The following LNPEP variants were observed in gnomAD, a reference collection of about 807,000 sequenced individuals.
LNPEP encodes the protein leucyl and cystinyl aminopeptidase.
LNPEP carries 64 observed loss-of-function variants against 120.6 expected under a neutral mutation model. The observed-to-expected ratio is 0.53, with a 90% CI of 0.43 to 0.65. The LOEUF is 0.65. Ranked by LOEUF, LNPEP falls within the 30% of genes least tolerant of loss-of-function variation. LNPEP has a pLI of 0.00. For missense variants in LNPEP, 1,057 were observed against 1,200.0 expected (o/e 0.88, Z 1.76); for synonymous variants, 435 against 425.4 (o/e 1.02, Z -0.28).
chr5:96,989,019 G>C (rs1303821500), intron 4 of LNPEP, among the ~76,000 whole-genome samples: 2 of 151,886 alleles, frequency 1.3e-5, no homozygotes, highest in African/African-American at 4.8e-5. Context: ...GTGTGCATGT[G>C]CATGCTTGTG....
intron 9 of LNPEP, among the ~76,000 whole-genome samples, 187 bp downstream of exon 9, chr5:97,003,733 G>C (rs138257467): frequency 6.6e-6 from 1 of 151,572 alleles, no homozygotes; most frequent in East Asian, 1.9e-4. Context: ...AGAAATGGGA[G>C]TGCTGTTCTT....
intron 1 of LNPEP, among the ~76,000 whole-genome samples, chr5:96,953,748 A>G (rs1004385710): frequency 6.6e-6 from 1 of 152,258 alleles, no homozygotes; most frequent in Non-Finnish European, 1.5e-5. Context: ...TTTCAATTAA[A>G]ATATTAATTT....
chr5:96,954,772 ATTTTTTTTTTTT>A (rs1160402498), intron 1 of LNPEP, among the ~76,000 whole-genome samples: 9 of 27,108 alleles, frequency 3.3e-4, no homozygotes, highest in Admixed American at 3.1e-3. Context: ...ATATATATAT[ATTTTTTTTTTTT>A]TTTTTTTTTT....
intron 16 of LNPEP, among the ~76,000 whole-genome samples, chr5:97,027,265 A>G (rs1791364416): frequency 6.6e-6 from 1 of 151,798 alleles, no homozygotes. Flanking sequence ...AGGCAAGAGA[A>G]TGGTGTGAAT....
Position 97,006,410 on chromosome 5 carries a change from A to C in LNPEP, c.1947-17A>C. The C allele has an allele frequency of 6.8e-7, 1 of 1,476,538 alleles. No individual in the cohort carries two copies. Among genetic ancestry groups the C allele is most frequent in the Non-Finnish European group, 9.3e-7 (1 of 1,076,258 alleles). The allele number at this position is 1,476,538 out of a possible 1,614,324, so 91.5% of individuals were successfully genotyped here. Reference sequence around the variant, plus strand: ...AAAATCATATGTAACTAATTTTCCAATGTTTTCTCTTTACAGCTACCTGTG... The same window carrying C: ...AAAATCATATGTAACTAATTTTCCACTGTTTTCTCTTTACAGCTACCTGTG... On this transcript the variant is annotated splice_polypyrimidine_tract_variant and intron_variant, in intron 10 of 17. Transcript: ENST00000231368.
chr5:97,006,425 A>G lies in LNPEP; in HGVS notation c.1947-2A>G. 6.5e-7 allele frequency: 1 copy of G among 1,544,644 alleles called. No individual in the cohort carries two copies. Among genetic ancestry groups the G allele is most frequent in the African/African-American group, 1.4e-5 (1 of 72,592 alleles). ...TAATTTTCCAATGTTTTCTCTTTAC[A>G]GCTACCTGTGGCATATTCCACTATC... is the stretch of plus-strand genomic sequence containing the variant. On this transcript the variant is annotated splice_acceptor_variant, in intron 10 of 17. Coordinates refer to ENST00000231368, the MANE Select transcript of LNPEP (RefSeq NM_005575.3). LOFTEE classifies it high-confidence loss of function.
intron 13 of LNPEP, among the ~76,000 whole-genome samples, chr5:97,017,326 C>A (rs1321056923): frequency 6.6e-6 from 1 of 151,808 alleles, no homozygotes; most frequent in Non-Finnish European, 1.5e-5. Context: ...AATCGTCTGC[C>A]TTTTTCTTGT....
Position 96,985,195 on chromosome 5 carries a change from A to T in LNPEP, c.976A>T (p.Thr326Ser). 6.2e-7 allele frequency: 1 copy of T among 1,613,796 alleles called. No homozygotes were observed. The highest frequency in any genetic ancestry group is 8.5e-7 in the Non-Finnish European group (1 of 1,179,784). The stretch of plus-strand genomic sequence containing the variant: ...CAAGATCATAAGGGATGAGCAATAC[A>T]CCGCTTTATCAAATATGCCTAAGGT... ...IIKIIRDEQY[T>S]ALSNMPKKSS... Residue 326 changes from threonine (T) to serine (S), a missense_variant, in exon 3 of 18, where the codon ACC (threonine) becomes TCC (serine). Physicochemically the swap from Thr to Ser is moderately conservative, Grantham distance 58 (BLOSUM62 1). Coordinates refer to ENST00000231368, the MANE Select transcript of LNPEP (RefSeq NM_005575.3).
At chr5:97,010,305 C>T in intron 11 of LNPEP, 2 of 973,712 alleles carry the variant, frequency 2.1e-6, no homozygotes, top group Non-Finnish European at 2.4e-6. Context: ...AAATGGATAT[C>T]ACTATCAGAA....
chr5:96,943,506 C>T (rs564444177), intron 1 of LNPEP, among the ~76,000 whole-genome samples: 7 of 152,300 alleles, frequency 4.6e-5, no homozygotes, highest in Non-Finnish European at 2.9e-5. Context: ...AGGCTGGTCT[C>T]GAACTCCTGG....
chr5:97,028,336 A>G, intron 17 of LNPEP, 66 bp from the exon 18 acceptor site: 2 of 1,467,860 alleles, frequency 1.4e-6, no homozygotes, highest in Admixed American at 1.7e-5. Context: ...TTATTTTAAA[A>G]GCTGGGGTTA....
rs576598495 is a variant in LNPEP at position 97,002,759 on chromosome 5, G to A, written c.1654-656G>A. On this transcript the variant is annotated intron_variant, in intron 8 of 17. Transcript: ENST00000231368. ...AGAAATGTGATTTCTATTTCAAACCGGGAAGGTCTTCACAGAGGAGGTGGT... is the reference window on the plus strand; with the variant it reads ...AGAAATGTGATTTCTATTTCAAACCAGGAAGGTCTTCACAGAGGAGGTGGT... Among the ~76,000 whole-genome samples, 9 of 152,244 alleles carry A rather than the reference G, an allele frequency of 5.9e-5. No homozygotes were observed. The East Asian group carries it at 7.7e-4, about 13-fold the overall frequency.
At chr5:96,946,052 G>A (rs1789179034) in intron 1 of LNPEP, among the ~76,000 whole-genome samples, 2 of 152,214 alleles carry the variant, frequency 1.3e-5, no homozygotes, top group Admixed American at 1.3e-4. Flanking sequence ...AGGCTGCCAT[G>A]ACACTTGAGT....
At chr5:96,950,893 A>G (rs1789304444) in intron 1 of LNPEP, among the ~76,000 whole-genome samples, 2 of 152,222 alleles carry the variant, frequency 1.3e-5, no homozygotes, top group East Asian at 1.9e-4. Context: ...GGAACATAGT[A>G]TAGGCAGTGT....
chr5:97,008,549 A>T (rs1457298881), intron 11 of LNPEP, among the ~76,000 whole-genome samples: 1 of 150,010 alleles, frequency 6.7e-6, no homozygotes, highest in Non-Finnish European at 1.5e-5. Context: ...ACAGGGCCTC[A>T]CTATGTTGCC....
chr5:97,001,793 A>G (rs775291644), intron 8 of LNPEP, among the ~76,000 whole-genome samples: 1 of 152,158 alleles, frequency 6.6e-6, no homozygotes, highest in Non-Finnish European at 1.5e-5. Flanking sequence ...TGATAAGATG[A>G]GCCTGAGAAT....
At chr5:96,984,038 A>G (rs1582003652) in intron 2 of LNPEP, among the ~76,000 whole-genome samples, 1 of 152,158 alleles carries the variant, frequency 6.6e-6, no homozygotes, top group African/African-American at 2.4e-5. Context: ...TTGTGGCTTC[A>G]TCTCCAGCCA....
In LNPEP at chr5:96,961,342, T is replaced by C. The variant is rs573922378; in HGVS notation, c.20-17796T>C. On this transcript the variant is annotated intron_variant, in intron 1 of 17. Coordinates refer to ENST00000231368, the MANE Select transcript of LNPEP (RefSeq NM_005575.3). The stretch of plus-strand genomic sequence containing the variant: ...CAGTTCTGTGGGTTAAACTCACTTA[T>C]TGTTTCACTTCTATCTTCCTCTAGA... 2.4e-3 allele frequency among the ~76,000 whole-genome samples: 361 copies of C among 152,284 alleles called. 5 individuals carry two copies. The highest frequency in any genetic ancestry group is 8.3e-3 in the African/African-American group (344 of 41,568).
intron 1 of LNPEP, among the ~76,000 whole-genome samples, chr5:96,958,975 G>GT (rs769902523): frequency 1.3e-4 from 20 of 151,816 alleles, no homozygotes; most frequent in Non-Finnish European, 2.4e-4. Context: ...ACAGGCACCG[G>GT]CCACCATGCC....
Sources: gnomAD v4.1 joint callset for allele counts (sites outside exome capture counted in the v4.1 genomes callset) on GRCh38, gnomAD v4.1.1 for gene constraint, MANE v1.5 for transcripts, NCBI Gene and HGNC (gene_info 2026-07-23, HGNC 2026-07-21) for gene names.